The following MRPL35 variants were observed in gnomAD, a reference collection of about 807,000 sequenced individuals.
MRPL35 encodes large ribosomal subunit protein bL35m.
Under a neutral mutation model 21.6 loss-of-function variants are expected in MRPL35, and 18 were observed. The observed-to-expected ratio is 0.83, with a 90% CI of 0.58 to 1.24. MRPL35 has a LOEUF of 1.24. Among genes scored for constraint, MRPL35 ranks in the 50% most tolerant of loss-of-function variants. The pLI is 0.00. For missense variants in MRPL35, 223 were observed against 223.2 expected (o/e 1.00, Z 0.01); for synonymous variants, 87 against 86.9 (o/e 1.00, Z -0.01).
chr2:86,213,237 C>A lies in MRPL35; in HGVS notation c.*2569C>A. On this transcript the variant is annotated 3_prime_UTR_variant, in exon 4 of 4. Coordinates refer to ENST00000337109, the MANE Select transcript of MRPL35 (RefSeq NM_016622.4). ...TAAACACTTCTTCATAACACTGTACCAATTCAGCTTTTAAATTTTATTACT... is the reference window on the plus strand; with the variant it reads ...TAAACACTTCTTCATAACACTGTACAAATTCAGCTTTTAAATTTTATTACT... The A allele has an allele frequency of 9.8e-7, 1 of 1,024,712 alleles. No individual in the cohort carries two copies. Among genetic ancestry groups the A allele is most frequent in the Non-Finnish European group, 1.2e-6 (1 of 855,918 alleles). The allele number at this position is 1,024,712 out of a possible 1,614,324, so 63.5% of individuals were successfully genotyped here.
At chr2:86,204,967 G>A (rs1396469405) in intron 1 of MRPL35, among the ~76,000 whole-genome samples, 5 of 152,148 alleles carry the variant, frequency 3.3e-5, no homozygotes, top group East Asian at 1.9e-4. Flanking sequence ...GGCCGGGCAC[G>A]GTGGCTCACA....
Position 86,206,121 on chromosome 2 carries a change from T to C in MRPL35, c.59T>C (p.Leu20Pro). Residue 20 changes from leucine to proline, a missense_variant, in exon 2 of 4, where the codon CTG becomes CCG. Leu to Pro is a moderately conservative substitution (Grantham distance 98). Coordinates refer to ENST00000337109, the MANE Select transcript of MRPL35 (RefSeq NM_016622.4). ...ATCTTTACAGGAATCCTACGGCCCCTGAATATTTTGGCATCTTCAACCTAC... is the reference window on the plus strand; with the variant it reads ...ATCTTTACAGGAATCCTACGGCCCCCGAATATTTTGGCATCTTCAACCTAC... ...VRAASGILRP[L>P]NILASSTYRN... 1.2e-6 allele frequency: 2 copies of C among 1,611,626 alleles called. No individual in the cohort carries two copies. The highest frequency in any genetic ancestry group is 2.2e-5 in the South Asian group (2 of 91,020).
intron 1 of MRPL35, 152 bp downstream of exon 1, chr2:86,199,685 C>A: frequency 1.0e-6 from 1 of 981,590 alleles, no homozygotes; most frequent in Non-Finnish European, 1.5e-6. Context: ...GGCGGTGTGA[C>A]CGGCAGCCCG....
Position 86,213,740 on chromosome 2 carries a change from T to C in MRPL35, c.*3072T>C. 2 of 1,457,764 alleles carry C rather than the reference T, an allele frequency of 1.4e-6. No homozygotes were observed. The highest frequency in any genetic ancestry group is 1.9e-6 in the Non-Finnish European group (2 of 1,068,224). The allele number at this position is 1,457,764 out of a possible 1,614,324, so 90.3% of individuals were successfully genotyped here. ...GGACTATTCTATTTTCACAGCTACC[T>C]AGTTTCTGCCGATGATTTTTTTAAA... On this transcript the variant is annotated 3_prime_UTR_variant, in exon 4 of 4. Coordinates refer to ENST00000337109, the MANE Select transcript of MRPL35 (RefSeq NM_016622.4).
chr2:86,205,944 T>C (rs1673780200), intron 1 of MRPL35, among the ~76,000 whole-genome samples, 162 bp from the exon 2 acceptor site: 1 of 152,236 alleles, frequency 6.6e-6, no homozygotes, highest in African/African-American at 2.4e-5. Context: ...GTAATTAATT[T>C]ATGGTTATAC....
Position 86,211,514 on chromosome 2 carries a change from A to C in MRPL35, c.*846A>C. The C allele has an allele frequency of 1.0e-6, 1 of 985,460 alleles. No individual in the cohort carries two copies. Among genetic ancestry groups the C allele is most frequent in the Non-Finnish European group, 1.2e-6 (1 of 829,938 alleles). 61.0% of individuals were successfully genotyped at this position (985,460 alleles called of 1,614,324 possible). A position where few individuals can be genotyped will look rare whatever the true frequency, so the allele number is the denominator to read the frequency against. ...TGGGGTGGCAGCACACTTAACATCTAACACACCAGGTTCATTGTGTTCATA... is the reference window on the plus strand; with the variant it reads ...TGGGGTGGCAGCACACTTAACATCTCACACACCAGGTTCATTGTGTTCATA... On this transcript the variant is annotated 3_prime_UTR_variant, in exon 4 of 4. Transcript: ENST00000337109.
Position 86,207,062 on chromosome 2 carries a change from G to A in MRPL35, c.234-121G>A, listed in dbSNP as rs989260017. On this transcript the variant is annotated intron_variant, in intron 2 of 3. Coordinates refer to ENST00000337109, the MANE Select transcript of MRPL35 (RefSeq NM_016622.4). ...GTCATGGGTCATTGGAAGTAATATT[G>A]TATATGAAAAGTTAGTTCCAGTCCA... 1.1e-5 allele frequency: 10 copies of A among 949,168 alleles called. No individual in the cohort carries two copies. The East Asian group carries it at 2.0e-4, about 19-fold the overall frequency. The allele number at this position is 949,168 out of a possible 1,614,324, so 58.8% of individuals were successfully genotyped here. A position where few individuals can be genotyped will look rare whatever the true frequency, so the allele number is the denominator to read the frequency against.
chr2:86,213,001 C>A lies in MRPL35; in HGVS notation c.*2333C>A, dbSNP rs1051566080. 3 of 762,516 alleles carry A rather than the reference C, an allele frequency of 3.9e-6. No individual in the cohort carries two copies. Among genetic ancestry groups the A allele is most frequent in the Admixed American group, 6.3e-5 (1 of 15,966 alleles). 47.2% of individuals were successfully genotyped at this position (762,516 alleles called of 1,614,324 possible). On this transcript the variant is annotated 3_prime_UTR_variant, in exon 4 of 4. Coordinates refer to ENST00000337109, the MANE Select transcript of MRPL35 (RefSeq NM_016622.4). ...CTGCTAATCCACATTTCCAGTCTTA[C>A]AAAGGACATAATGATTAGTTAAGCC... is the stretch of plus-strand genomic sequence containing the variant.
chr2:86,203,736 G>A (rs1203527927), intron 1 of MRPL35, among the ~76,000 whole-genome samples: 2 of 152,030 alleles, frequency 1.3e-5, no homozygotes, highest in Non-Finnish European at 2.9e-5. Context: ...TCTCATTCAA[G>A]TCTCATTACC....
rs753100849 is a variant in MRPL35 at position 86,210,468 on chromosome 2, A to C, written c.379-12A>C. 6 of 1,593,512 alleles carry C rather than the reference A, an allele frequency of 3.8e-6. No individual in the cohort carries two copies. The South Asian group carries it at 6.8e-5, about 18-fold the overall frequency. On this transcript the variant is annotated splice_polypyrimidine_tract_variant and intron_variant, in intron 3 of 3. Coordinates refer to ENST00000337109, the MANE Select transcript of MRPL35 (RefSeq NM_016622.4). Reference sequence around the variant, plus strand: ...AGTATGATGTTTTACATTTCTTTGTAATATCTGACAGGCTGGCTATAAGAA... The same window carrying C: ...AGTATGATGTTTTACATTTCTTTGTCATATCTGACAGGCTGGCTATAAGAA...
Position 86,206,033 on chromosome 2 carries a change from G to A in MRPL35, c.44-73G>A, listed in dbSNP as rs1395739743. The A allele has an allele frequency of 3.1e-6, 4 of 1,301,804 alleles. No individual in the cohort carries two copies. In the South Asian group the frequency reaches 4.1e-5, roughly 13 times the overall value. 80.6% of individuals were successfully genotyped at this position (1,301,804 alleles called of 1,614,324 possible). On this transcript the variant is annotated intron_variant, in intron 1 of 3. Coordinates refer to ENST00000337109, the MANE Select transcript of MRPL35 (RefSeq NM_016622.4). Reference sequence around the variant, plus strand: ...ATTATGTTTAATACTTGGTGGCAGTGATACATCTCTTAATTTTTAATATCT... The same window carrying A: ...ATTATGTTTAATACTTGGTGGCAGTAATACATCTCTTAATTTTTAATATCT...
chr2:86,208,383 T>C (rs904888660), intron 3 of MRPL35, among the ~76,000 whole-genome samples: 1 of 152,092 alleles, frequency 6.6e-6, no homozygotes, highest in Non-Finnish European at 1.5e-5. Context: ...CTTGGCTCAC[T>C]GTGACCTCTG....
Position 86,213,222 on chromosome 2 carries a change from T to C in MRPL35, c.*2554T>C. 1 of 1,005,358 alleles carries C rather than the reference T, an allele frequency of 9.9e-7. No homozygotes were observed. The highest frequency in any genetic ancestry group is 1.2e-6 in the Non-Finnish European group (1 of 843,214). The allele number at this position is 1,005,358 out of a possible 1,614,324, so 62.3% of individuals were successfully genotyped here. A position where few individuals can be genotyped will look rare whatever the true frequency, so the allele number is the denominator to read the frequency against. On this transcript the variant is annotated 3_prime_UTR_variant, in exon 4 of 4. Transcript: ENST00000337109. ...ACTATAAATACTAAATAAACACTTC[T>C]TCATAACACTGTACCAATTCAGCTT...
chr2:86,211,778 C>A lies in MRPL35; in HGVS notation c.*1110C>A. ...GCACTCCTGGGCTCAAGTGGTCCTC[C>A]TGCCTCAGCTTACTGAGTAAGGATA... On this transcript the variant is annotated 3_prime_UTR_variant, in exon 4 of 4. Transcript: ENST00000337109. 1 of 984,980 alleles carries A rather than the reference C, an allele frequency of 1.0e-6. No individual in the cohort carries two copies. The highest frequency in any genetic ancestry group is 1.2e-6 in the Non-Finnish European group (1 of 829,490). The allele number at this position is 984,980 out of a possible 1,614,324, so 61.0% of individuals were successfully genotyped here.
intron 1 of MRPL35, among the ~76,000 whole-genome samples, chr2:86,203,314 TCTC>T (rs1673727451): frequency 6.6e-6 from 1 of 151,728 alleles, no homozygotes; most frequent in South Asian, 2.1e-4. Context: ...GACCTCCTGA[TCTC>T]CTCGTGATCT....
In MRPL35 at chr2:86,210,649, G is replaced by A. The variant is rs145456242; in HGVS notation, c.548G>A (p.Arg183Gln). Residue 183 changes from arginine to glutamine, a missense_variant, in exon 4 of 4, where the codon CGA (arginine) becomes CAA (glutamine). Physicochemically the swap from Arg to Gln is conservative, Grantham distance 43. Transcript: ENST00000337109. ...GATCCTTATCAGAAGTATCATGATC[G>A]AACAAACCTGAAAGTATAGATCAGA... ...VDDPYQKYHDRTNLKV is the reference protein window; with the variant it reads ...VDDPYQKYHDQTNLKV 5.8e-5 allele frequency: 94 copies of A among 1,611,084 alleles called. No individual in the cohort carries two copies. Among genetic ancestry groups the A allele is most frequent in the Non-Finnish European group, 7.1e-5 (84 of 1,178,798 alleles).
At chr2:86,200,906 TC>T (rs1268123268) in intron 1 of MRPL35, among the ~76,000 whole-genome samples, 1 of 152,150 alleles carries the variant, frequency 6.6e-6, no homozygotes, top group East Asian at 1.9e-4. Flanking sequence ...CCTCAGGTGA[TC>T]CGCCCGCCTC....
Position 86,207,170 on chromosome 2 carries a change from A to G in MRPL35, c.234-13A>G, listed in dbSNP as rs763047267. On this transcript the variant is annotated splice_polypyrimidine_tract_variant and intron_variant, in intron 2 of 3. Transcript: ENST00000337109. ...TCTGATTACAAGCTAAAAATTTTAA[A>G]ATATATTTTTAGAATGGCCCCCGTG... 9.5e-6 allele frequency: 15 copies of G among 1,573,288 alleles called. No homozygotes were observed. The highest frequency in any genetic ancestry group is 1.3e-5 in the Non-Finnish European group (15 of 1,161,034).
intron 2 of MRPL35, among the ~76,000 whole-genome samples, 175 bp downstream of exon 2, chr2:86,206,470 A>G (rs559914437): frequency 6.6e-6 from 1 of 152,214 alleles, no homozygotes; most frequent in Non-Finnish European, 1.5e-5. Flanking sequence ...GTAGCTGGAA[A>G]GTTCTGGGAT....
Sources: allele counts gnomAD v4.1 joint callset (sites outside exome capture counted in the v4.1 genomes callset), GRCh38; gene constraint gnomAD v4.1.1; transcripts MANE v1.5; gene names NCBI Gene and HGNC (gene_info 2026-07-23, HGNC 2026-07-21).